Variants in COL4A5 observed in about 807,000 individuals in gnomAD.
The protein encoded by COL4A5 is collagen type IV alpha 5 chain.
A neutral mutation model predicts 130.2 loss-of-function variants in COL4A5; 26 were observed. The observed-to-expected ratio is 0.20, with a 90% CI of 0.15 to 0.28. The LOEUF is 0.28. Ranked by LOEUF, COL4A5 falls within the 10% of genes least tolerant of loss-of-function variation. The probability of loss-of-function intolerance (pLI) is 1.00; values close to 1 mark genes in which losing one functional copy is unlikely to be tolerated. For missense variants in COL4A5, 1,131 were observed against 1,344.3 expected (o/e 0.84, Z 2.48); for synonymous variants, 496 against 439.6 (o/e 1.13, Z -1.60).
intron 13 of COL4A5, among the ~76,000 whole-genome samples, chrX:108,579,873 G>C (rs1228870471): frequency 1.8e-5 from 2 of 111,279 alleles, no homozygotes; most frequent in African/African-American, 6.5e-5. Flanking sequence ...ATAAAAAATT[G>C]TCATTATTTT....
intron 1 of COL4A5, among the ~76,000 whole-genome samples, chrX:108,485,436 G>C (rs2064935014): frequency 9.0e-6 from 1 of 111,667 alleles, no homozygotes; most frequent in Non-Finnish European, 1.9e-5. Flanking sequence ...GTGTATCTCA[G>C]TCTTACCCAA....
intron 1 of COL4A5, among the ~76,000 whole-genome samples, chrX:108,530,580 A>G (rs1296771327): frequency 3.0e-5 from 3 of 101,322 alleles, no homozygotes; most frequent in Middle Eastern, 4.7e-3. Context: ...GAAGACATTT[A>G]TGCAGCCAAA....
chrX:108,647,558 T>C (rs1289171133), intron 36 of COL4A5, among the ~76,000 whole-genome samples: 1 of 111,576 alleles, frequency 9.0e-6, no homozygotes, highest in Non-Finnish European at 1.9e-5. Context: ...CTTGTCCTAA[T>C]TGAATACCCT....
At chrX:108,603,533 A>G (rs1019363883) in intron 28 of COL4A5, among the ~76,000 whole-genome samples, 8 of 112,224 alleles carry the variant, frequency 7.1e-5, no homozygotes, top group Non-Finnish European at 1.5e-4. Flanking sequence ...CTTTATTGCT[A>G]AAAAATTTTA....
At chrX:108,674,525 A>G in intron 42 of COL4A5, 1 of 334,917 alleles carries the variant, frequency 3.0e-6, no homozygotes, top group Non-Finnish European at 5.2e-6. Context: ...ATCCTTTAGA[A>G]TAAGCTCTAT....
chrX:108,546,451 G>C (rs1427757200), intron 2 of COL4A5, among the ~76,000 whole-genome samples: 1 of 112,011 alleles, frequency 8.9e-6, no homozygotes, highest in African/African-American at 3.3e-5. Context: ...CTCTCTTCTG[G>C]CTTGTAGAGT....
intron 19 of COL4A5, among the ~76,000 whole-genome samples, chrX:108,590,004 C>T (rs1050996750): frequency 6.3e-5 from 7 of 111,704 alleles, no homozygotes; most frequent in African/African-American, 2.3e-4. Context: ...TAAAATAAGA[C>T]ATATATGTGG....
At chrX:108,669,926 T>C in intron 41 of COL4A5, 2 of 259,761 alleles carry the variant, frequency 7.7e-6, no homozygotes, top group Non-Finnish European at 1.4e-5. Flanking sequence ...CCATTGCTCT[T>C]AGAATTGATT....
intron 2 of COL4A5, among the ~76,000 whole-genome samples, chrX:108,546,912 A>T (rs1269465477): frequency 1.8e-5 from 2 of 111,911 alleles, no homozygotes; most frequent in African/African-American, 6.5e-5. Flanking sequence ...GGCTACTGAA[A>T]CTTGTGCATT....
At chrX:108,619,313 G>C (rs2066992489) in intron 30 of COL4A5, among the ~76,000 whole-genome samples, 1 of 111,565 alleles carries the variant, frequency 9.0e-6, no homozygotes, top group South Asian at 3.7e-4. Context: ...AGATCTTATT[G>C]TTGAAAGGAG....
chrX:108,459,029 C>T (rs1329554208), intron 1 of COL4A5, among the ~76,000 whole-genome samples: 1 of 111,090 alleles, frequency 9.0e-6, no homozygotes, highest in African/African-American at 3.3e-5. Flanking sequence ...TTTCAGTGTG[C>T]AGGTCTTATA....
chrX:108,542,324 T>G (rs2065557013), intron 2 of COL4A5, among the ~76,000 whole-genome samples: 1 of 107,062 alleles, frequency 9.3e-6, no homozygotes, highest in African/African-American at 3.4e-5. Context: ...GTTCTCATTG[T>G]TCAATTCCCA....
At chrX:108,653,064 T>C (rs2067763492) in intron 36 of COL4A5, among the ~76,000 whole-genome samples, 1 of 112,128 alleles carries the variant, frequency 8.9e-6, no homozygotes, top group Non-Finnish European at 1.9e-5. Flanking sequence ...TTGCTTTCCT[T>C]TTTTGAAATT....
rs2066013865 is a variant in COL4A5, at chrX:108,568,740, G to A, written c.322-19G>A. ...GTAATCTAAGACATATTATACATGT[G>A]TTATGTCGCTTTTCAAAGGGAATGC... On this transcript the variant is annotated intron_variant, in intron 5 of 52. Transcript: ENST00000328300. 2.5e-6 allele frequency: 3 copies of A among 1,205,607 alleles called. No homozygotes were observed. The highest frequency in any genetic ancestry group is 3.5e-5 in the South Asian group (2 of 56,664).
chrX:108,648,523 C>G (rs1330625010), intron 36 of COL4A5, among the ~76,000 whole-genome samples: 1 of 111,291 alleles, frequency 9.0e-6, no homozygotes, highest in Non-Finnish European at 1.9e-5. Flanking sequence ...AACAGCGTAT[C>G]AAAAAGATAA....
At position 108,668,462 on chromosome X, in the gene COL4A5, C is replaced by T. The variant is rs1348934381; in HGVS notation, c.3748C>T (p.Pro1250Ser). 4 of 1,198,848 alleles carry T rather than the reference C, an allele frequency of 3.3e-6. No individual in the cohort carries two copies. The Admixed American group carries it at 9.0e-5, about 27-fold the overall frequency. ...PGSPGPALEG[P>S]KGNPGPQGPP... ...TTCTCCGGGTCCAGCTCTGGAAGGA[C>T]CTAAAGGCAACCCTGGGCCCCAAGG... The change falls in exon 41 of 53, where the codon CCT becomes TCT. Residue 1250 changes from proline (P) to serine (S), a missense_variant. Pro to Ser is a moderately conservative substitution (Grantham distance 74). Coordinates refer to ENST00000328300, the MANE Select transcript of COL4A5 (RefSeq NM_033380.3).
At chrX:108,493,819 A>C (rs1441853208) in intron 1 of COL4A5, among the ~76,000 whole-genome samples, 1 of 109,589 alleles carries the variant, frequency 9.1e-6, no homozygotes, top group Non-Finnish European at 1.9e-5. Context: ...AAAAAAAAAA[A>C]AAACGGATGT....
intron 36 of COL4A5, among the ~76,000 whole-genome samples, chrX:108,631,802 C>T (rs1365854286): frequency 9.0e-6 from 1 of 111,309 alleles, no homozygotes; most frequent in Non-Finnish European, 1.9e-5. Flanking sequence ...AGACAACATT[C>T]CAGAATCTCT....
At chrX:108,562,888 C>A (rs185761242) in intron 3 of COL4A5, among the ~76,000 whole-genome samples, 4 of 111,608 alleles carry the variant, frequency 3.6e-5, no homozygotes, top group South Asian at 7.5e-4. Flanking sequence ...AATGAAAGAT[C>A]TCCTTCTCAC....
Sources: gnomAD v4.1 joint callset for allele counts (sites outside exome capture counted in the v4.1 genomes callset) on GRCh38, gnomAD v4.1.1 for gene constraint, MANE v1.5 for transcripts, NCBI Gene and HGNC (gene_info 2026-07-23, HGNC 2026-07-21) for gene names.